NDUFS7: variants seen among roughly 807,000 people sequenced by gnomAD.
The protein encoded by NDUFS7 is NADH dehydrogenase [ubiquinone] iron-sulfur protein 7, mitochondrial.
Under a neutral mutation model 31.1 loss-of-function variants are expected in NDUFS7, and 11 were observed. The observed-to-expected ratio is 0.35, with a 90% CI of 0.22 to 0.59. The LOEUF is 0.59. NDUFS7 is among the 20% of genes least tolerant of loss of function. The pLI is 0.79. For synonymous variants in NDUFS7, 136 were observed against 127.9 expected (o/e 1.06, Z -0.43); for missense variants, 263 against 324.2 (o/e 0.81, Z 1.45).
At chr19:1,394,388 A>G in intron 7 of NDUFS7, 1 of 1,289,146 alleles carries the variant, frequency 7.8e-7, no homozygotes, top group South Asian at 1.2e-5. Flanking sequence ...GCAAGTTGCG[A>G]GTGTGGACTG....
Position 1,391,048 on chromosome 19 carries a change from A to G in NDUFS7, c.406A>G (p.Lys136Glu). Reference sequence around the variant, plus strand: ...CAACAAGATGGCCCCAGCGCTTCGCAAGGTAGGCCTCGTCCCAGCCGCCCA... The same window carrying G: ...CAACAAGATGGCCCCAGCGCTTCGCGAGGTAGGCCTCGTCCCAGCCGCCCA... ...LTNKMAPALR[K>E]VYDQMPEPRY... Residue 136 changes from lysine to glutamate, a missense_variant and splice_region_variant, in exon 5 of 8, where the codon AAG (lysine) becomes GAG (glutamate). Transcript: ENST00000233627. 6.2e-7 allele frequency: 1 copy of G among 1,613,274 alleles called. No homozygotes were observed. Among genetic ancestry groups the G allele is most frequent in the Non-Finnish European group, 8.5e-7 (1 of 1,179,856 alleles).
chr19:1,387,792 C>G lies in NDUFS7; in HGVS notation c.17-19C>G. ...GCTGCCCGCAGCTCACTGTTCCCACCCCGTGGTCCTCTCTGCAGCTCCTGG... is the reference window on the plus strand; with the variant it reads ...GCTGCCCGCAGCTCACTGTTCCCACGCCGTGGTCCTCTCTGCAGCTCCTGG... On this transcript the variant is annotated intron_variant, in intron 1 of 7. Coordinates refer to ENST00000233627, the MANE Select transcript of NDUFS7 (RefSeq NM_024407.5). 1 of 1,610,980 alleles carries G rather than the reference C, an allele frequency of 6.2e-7. No homozygotes were observed. The highest frequency in any genetic ancestry group is 2.2e-5 in the East Asian group (1 of 44,866).
intron 4 of NDUFS7, 177 bp downstream of exon 4, chr19:1,389,115 C>T (rs776927301): frequency 1.7e-5 from 12 of 707,822 alleles, no homozygotes; most frequent in Non-Finnish European, 3.1e-5. Flanking sequence ...ACACGGACCA[C>T]ACGCACACTC....
At chr19:1,394,201 G>A (rs2082576574) in intron 7 of NDUFS7, 2 of 406,216 alleles carry the variant, frequency 4.9e-6, no homozygotes, top group South Asian at 2.1e-5. Flanking sequence ...TTTGGATTCC[G>A]CTTCCCTGGA....
chr19:1,389,271 ACGCACACT>A (rs1441334167), intron 4 of NDUFS7: 24 of 614,002 alleles, frequency 3.9e-5, no homozygotes, highest in Middle Eastern at 2.8e-4. Context: ...ACACATGCAC[ACGCACACT>A]CGCACACACG....
At chr19:1,388,011 G>A (rs1477758843) in intron 2 of NDUFS7, 164 bp downstream of exon 2, 3 of 736,430 alleles carry the variant, frequency 4.1e-6, no homozygotes, top group Non-Finnish European at 2.3e-6. Context: ...TGATGTGCCG[G>A]GACCCTCCCT....
chr19:1,393,323 C>T lies in NDUFS7; in HGVS notation c.537C>T (p.Tyr179=). ...GCDRIVPVDI[Y]IPGCPPTAEA... is the part of the protein sequence containing the mutation. ...ACCGCATCGTGCCCGTGGACATCTA[C>T]ATCCCAGGTAGGGCCGGGACCGCAC... is the stretch of plus-strand genomic sequence containing the variant. The change falls in exon 7 of 8, where the codon TAC becomes TAT. Residue 179 remains tyrosine (Y), a synonymous_variant. Coordinates refer to ENST00000233627, the MANE Select transcript of NDUFS7 (RefSeq NM_024407.5). This position sits in a 1 kb window ranked among gnomAD's most constrained non-coding sequence, Gnocchi z 7.3. 1 of 1,578,430 alleles carries T rather than the reference C, an allele frequency of 6.3e-7. No homozygotes were observed. Among genetic ancestry groups the T allele is most frequent in the South Asian group, 1.2e-5 (1 of 86,062 alleles).
At chr19:1,384,339 G>C (rs900234635) in intron 1 of NDUFS7, among the ~76,000 whole-genome samples, 2 of 152,182 alleles carry the variant, frequency 1.3e-5, no homozygotes, top group Non-Finnish European at 2.9e-5. Context: ...CGAGGTCACA[G>C]GGCCGGGCCT....
intron 7 of NDUFS7, 147 bp from the exon 8 acceptor site, chr19:1,395,244 C>A (rs942433418): frequency 7.7e-5 from 112 of 1,453,242 alleles, no homozygotes; most frequent in Non-Finnish European, 9.2e-5. Context: ...GGCTCCCAGT[C>A]CCTGGCACTG....
At position 1,389,287 on chromosome 19, in the gene NDUFS7, A is replaced by G. The variant is rs1333735104; in HGVS notation, c.228+349A>G. On this transcript the variant is annotated intron_variant, in intron 4 of 7. Transcript: ENST00000233627. Reference sequence around the variant, plus strand: ...CACATGCACACGCACACTCGCACACACGTGCACATATATGCACAGTCATGC... The same window carrying G: ...CACATGCACACGCACACTCGCACACGCGTGCACATATATGCACAGTCATGC... The G allele has an allele frequency of 2.8e-5, 16 of 576,404 alleles. No homozygotes were observed. The Admixed American group carries it at 3.6e-4, about 13-fold the overall frequency. 35.7% of individuals were successfully genotyped at this position (576,404 alleles called of 1,614,324 possible).
At position 1,391,165 on chromosome 19, in the gene NDUFS7, G is replaced by A; in HGVS notation, c.455G>A (p.Ser152Asn). The A allele has an allele frequency of 1.2e-6, 2 of 1,611,892 alleles. No homozygotes were observed. The highest frequency in any genetic ancestry group is 1.7e-6 in the Non-Finnish European group (2 of 1,179,482). Reference protein sequence around the residue: ...PEPRYVVSMGSCANGGGYYHY... With the variant: ...PEPRYVVSMGNCANGGGYYHY... ...CCGCGCTACGTGGTCTCCATGGGGAGGTGAGTGCAGGGCGGGGGGTCTCCA... is the reference window on the plus strand; with the variant it reads ...CCGCGCTACGTGGTCTCCATGGGGAAGTGAGTGCAGGGCGGGGGGTCTCCA... Residue 152 changes from serine to asparagine, a missense_variant and splice_region_variant, in exon 6 of 8, where the codon AGC becomes AAC. Transcript: ENST00000233627.
At position 1,388,856 on chromosome 19, in the gene NDUFS7, C is replaced by G. The variant is rs11551666; in HGVS notation, c.146C>G (p.Ala49Gly). Reference sequence around the variant, plus strand: ...AGCACCCAGCCTGCCCTGCCAAAGGCCAGAGCCGTGGCTCCCAAACCCAGC... The same window carrying G: ...AGCACCCAGCCTGCCCTGCCAAAGGGCAGAGCCGTGGCTCCCAAACCCAGC... ...PSSTQPALPK[A>G]RAVAPKPSSR... The change falls in exon 4 of 8, where the codon GCC (alanine) becomes GGC (glycine). Residue 49 changes from alanine to glycine, a missense_variant. Coordinates refer to ENST00000233627, the MANE Select transcript of NDUFS7 (RefSeq NM_024407.5). 236 of 1,605,112 alleles carry G rather than the reference C, an allele frequency of 1.5e-4. No homozygotes were observed. The African/African-American group carries it at 2.8e-3, about 19-fold the overall frequency.
In NDUFS7 at chr19:1,388,953, C is replaced by T; in HGVS notation, c.228+15C>T. 6.3e-7 allele frequency: 1 copy of T among 1,591,742 alleles called. No individual in the cohort carries two copies. Among genetic ancestry groups the T allele is most frequent in the Non-Finnish European group, 8.6e-7 (1 of 1,168,154 alleles). Reference sequence around the variant, plus strand: ...GGGCCCGCCGGGTGAGTACTATGAGCTGTAGGCCCTCCTCGAGCGCCAGGG... The same window carrying T: ...GGGCCCGCCGGGTGAGTACTATGAGTTGTAGGCCCTCCTCGAGCGCCAGGG... On this transcript the variant is annotated intron_variant, in intron 4 of 7. Transcript: ENST00000233627.
rs983805387 is a variant in NDUFS7 at position 1,393,906 on chromosome 19, C to T, written c.544+576C>T. Reference sequence around the variant, plus strand: ...TGCATACCTGAAATTCACATCGCACCGGGAACATTCTTTATATCTGGTGAT... The same window carrying T: ...TGCATACCTGAAATTCACATCGCACTGGGAACATTCTTTATATCTGGTGAT... On this transcript the variant is annotated intron_variant, in intron 7 of 7. Transcript: ENST00000233627. The surrounding 1 kb of genome is among the most constrained non-coding windows in gnomAD (Gnocchi z 7.3). 9 of 234,754 alleles carry T rather than the reference C, an allele frequency of 3.8e-5. No individual in the cohort carries two copies. The highest frequency in any genetic ancestry group is 2.2e-4 in the East Asian group (2 of 9,258). The allele number at this position is 234,754 out of a possible 1,614,324, so 14.5% of individuals were successfully genotyped here. A position where few individuals can be genotyped will look rare whatever the true frequency, so the allele number is the denominator to read the frequency against.
At chr19:1,392,901 T>G in intron 6 of NDUFS7, 2 of 379,384 alleles carry the variant, frequency 5.3e-6, no homozygotes, top group Non-Finnish European at 1.0e-5. Context: ...AGCCGCCCCA[T>G]AGACAGGGGC....
chr19:1,388,024 G>C (rs1482476185), intron 2 of NDUFS7, 177 bp downstream of exon 2: 1 of 700,444 alleles, frequency 1.4e-6, no homozygotes, highest in South Asian at 1.7e-5. Flanking sequence ...CCCTCCCTGG[G>C]ACAGTCCACG....
intron 4 of NDUFS7, chr19:1,389,555 G>T (rs926235953): frequency 2.2e-6 from 1 of 455,030 alleles, no homozygotes; most frequent in African/African-American, 2.0e-5. Flanking sequence ...GCGTCCGTGT[G>T]TTCCTCTTGT....
rs745906125 is a variant in NDUFS7 at position 1,388,562 on chromosome 19, C to T, written c.91C>T (p.His31Tyr). Reference sequence around the variant, plus strand: ...CCCGGCTGTGCAGGCACGAGGTGTCCATCAGAGCGTGGCCACCGATGGCCC... The same window carrying T: ...CCCGGCTGTGCAGGCACGAGGTGTCTATCAGAGCGTGGCCACCGATGGCCC... ...VGPAVQARGV[H>Y]QSVATDGPSS... Residue 31 changes from histidine to tyrosine, a missense_variant, in exon 3 of 8, where the codon CAT becomes TAT. By Grantham distance (83) the His-to-Tyr change is moderately conservative (BLOSUM62 2). Coordinates refer to ENST00000233627, the MANE Select transcript of NDUFS7 (RefSeq NM_024407.5). 6.2e-7 allele frequency: 1 copy of T among 1,612,060 alleles called. No homozygotes were observed.
Position 1,395,488 on chromosome 19 carries a change from G to GCGCCGC in NDUFS7, c.*15_*20dup, listed in dbSNP as rs3065757. On this transcript the variant is annotated 3_prime_UTR_variant, in exon 8 of 8. Coordinates refer to ENST00000233627, the MANE Select transcript of NDUFS7 (RefSeq NM_024407.5). Reference sequence around the variant, plus strand: ...GGCTGCAGATCTGGTACCGCAGGTAGCGCCGCCGCCGCCGCCGCCGGAGCC... The same window carrying GCGCCGC: ...GGCTGCAGATCTGGTACCGCAGGTAGCGCCGCCGCCGCCGCCGCCGCCGCCGGAGCC... 181 of 1,575,306 alleles carry GCGCCGC rather than the reference G, an allele frequency of 1.1e-4. No individual in the cohort carries two copies. The highest frequency in any genetic ancestry group is 5.0e-4 in the Middle Eastern group (3 of 6,042).
Sources: gnomAD v4.1 joint callset for allele counts (sites outside exome capture counted in the v4.1 genomes callset) on GRCh38, gnomAD v4.1.1 for gene constraint, Gnocchi (gnomAD v3.1) non-coding constraint, MANE v1.5 for transcripts, NCBI Gene and HGNC (gene_info 2026-07-23, HGNC 2026-07-21) for gene names.